INPP4B: variants seen among roughly 807,000 people sequenced by gnomAD.
The protein encoded by INPP4B is inositol polyphosphate-4-phosphatase type II B, also known as inositol polyphosphate 4-phosphatase type II.
Under a neutral mutation model 122.5 loss-of-function variants are expected in INPP4B, and 55 were observed. That is an observed-to-expected ratio of 0.45 (90% confidence interval 0.36 to 0.56). The LOEUF (loss-of-function observed/expected upper bound fraction) is 0.56, where lower values mean the gene tolerates loss of function less well. INPP4B is among the 20% of genes least tolerant of loss of function. The probability of loss-of-function intolerance (pLI) is 0.00; values close to 1 mark genes in which losing one functional copy is unlikely to be tolerated. For synonymous variants in INPP4B, 403 were observed against 388.7 expected (o/e 1.04, Z -0.43); for missense variants, 1,000 against 1,097.7 (o/e 0.91, Z 1.26).
chr4:142,526,661 A>G (rs1228739893), intron 2 of INPP4B, among the ~76,000 whole-genome samples: 2 of 152,114 alleles, frequency 1.3e-5, no homozygotes, highest in East Asian at 3.9e-4. Flanking sequence ...CATGTTTAAT[A>G]AAACAAAATC....
chr4:142,145,818 G>A (rs748096917), intron 18 of INPP4B, 22 bp downstream of exon 18: 1 of 1,603,980 alleles, frequency 6.2e-7, no homozygotes, highest in Non-Finnish European at 8.5e-7. Context: ...GTAAATGATT[G>A]GGAAAAAAAA....
chr4:142,316,508 A>G (rs958353944), intron 7 of INPP4B, among the ~76,000 whole-genome samples: 3 of 149,286 alleles, frequency 2.0e-5, no homozygotes, highest in African/African-American at 7.2e-5. Flanking sequence ...ATATATACAT[A>G]TTAGTATAAA....
Position 142,840,419 on chromosome 4 carries a change from AT to A in INPP4B, c.-254+5789del, listed in dbSNP as rs558400130. On this transcript the variant is annotated intron_variant, in intron 1 of 25. Coordinates refer to ENST00000262992, the MANE Select transcript of INPP4B (RefSeq NM_001101669.3). ...AGTTTTTTTCTATCATGTTCATTTA[AT>A]TTTTTTTCCTTTCTCTTACCCAGAC... Among the ~76,000 whole-genome samples the A allele has an allele frequency of 2.9e-4, 44 of 152,074 alleles. No individual in the cohort carries two copies. In the Middle Eastern group the frequency reaches 0.01, roughly 35 times the overall value.
chr4:142,667,079 C>A (rs1756217303), intron 2 of INPP4B, among the ~76,000 whole-genome samples: 1 of 152,142 alleles, frequency 6.6e-6, no homozygotes, highest in South Asian at 2.1e-4. Context: ...AATTGTGGGG[C>A]AATGCTGATC....
At chr4:142,622,778 T>C (rs1431491664) in intron 2 of INPP4B, among the ~76,000 whole-genome samples, 3 of 151,976 alleles carry the variant, frequency 2.0e-5, no homozygotes, top group Admixed American at 6.6e-5. Flanking sequence ...TTGTTATTGT[T>C]AAAAAAGATT....
At chr4:142,490,004 T>C (rs1375554835) in intron 2 of INPP4B, among the ~76,000 whole-genome samples, 1 of 152,158 alleles carries the variant, frequency 6.6e-6, no homozygotes, top group Non-Finnish European at 1.5e-5. Context: ...ATAGATCTCT[T>C]TGTATTATAG....
intron 7 of INPP4B, among the ~76,000 whole-genome samples, chr4:142,400,072 A>T (rs1241213827): frequency 6.6e-6 from 1 of 152,220 alleles, no homozygotes; most frequent in Non-Finnish European, 1.5e-5. Context: ...CTAGTTAGTG[A>T]GGTAACATCT....
chr4:142,586,299 G>A (rs1736192678), intron 2 of INPP4B, among the ~76,000 whole-genome samples: 2 of 135,182 alleles, frequency 1.5e-5, no homozygotes, highest in African/African-American at 2.6e-5. Context: ...GGTCGACAGA[G>A]CTAGACCCTG....
chr4:142,171,975 T>C (rs1019152390), intron 16 of INPP4B, among the ~76,000 whole-genome samples: 1 of 151,686 alleles, frequency 6.6e-6, no homozygotes, highest in Non-Finnish European at 1.5e-5. Context: ...TCAGCTTAGG[T>C]GAACCCAGAA....
At chr4:142,398,393 AAAAAAAAAATATATATATATATATAT>A (rs1188338593) in intron 7 of INPP4B, among the ~76,000 whole-genome samples, 8 of 26,222 alleles carry the variant, frequency 3.1e-4, no homozygotes, top group South Asian at 2.2e-3. Context: ...AAAAAAAAAA[AAAAAAAAAATATATATATATATATAT>A]ATATATATAT....
chr4:142,829,159 G>C (rs1781793944), intron 1 of INPP4B, among the ~76,000 whole-genome samples: 1 of 151,422 alleles, frequency 6.6e-6, no homozygotes, highest in South Asian at 2.1e-4. Context: ...AAAATGACTA[G>C]ACAAGTTTGA....
intron 11 of INPP4B, among the ~76,000 whole-genome samples, chr4:142,240,041 G>A (rs28529144): frequency 0.1 from 15,434 of 150,120 alleles, 869 homozygotes; most frequent in Middle Eastern, 0.14. Flanking sequence ...ATCTCAAAAC[G>A]AATCCTTCTA....
chr4:142,801,355 G>A (rs938644495), intron 1 of INPP4B, among the ~76,000 whole-genome samples: 2 of 152,150 alleles, frequency 1.3e-5, no homozygotes, highest in African/African-American at 4.8e-5. Flanking sequence ...CTTTAGAAAG[G>A]CAGTTAGGTT....
At position 142,597,322 on chromosome 4, in the gene INPP4B, CTT is replaced by C. The variant is rs532998221; in HGVS notation, c.-191+128515_-191+128516del. Among the ~76,000 whole-genome samples the C allele has an allele frequency of 2.4e-3, 366 of 152,326 alleles. 2 individuals carry two copies. The highest frequency in any genetic ancestry group is 7.5e-3 in the African/African-American group (313 of 41,572). ...GACAACAATGAACTAACAGAACTATCTTAACTATGTGGATCAACGGTGACACC... is the reference window on the plus strand; with the variant it reads ...GACAACAATGAACTAACAGAACTATCAACTATGTGGATCAACGGTGACACC... On this transcript the variant is annotated intron_variant, in intron 2 of 25. Transcript: ENST00000262992.
intron 2 of INPP4B, among the ~76,000 whole-genome samples, chr4:142,627,114 C>T (rs143294599): frequency 4.0e-4 from 61 of 152,206 alleles, no homozygotes; most frequent in African/African-American, 1.3e-3. Flanking sequence ...AGTCTCAGTA[C>T]CTCTGTGCAG....
intron 23 of INPP4B, chr4:142,096,244 G>C (rs1421535980): frequency 6.6e-6 from 1 of 152,158 alleles, no homozygotes; most frequent in Non-Finnish European, 1.5e-5. Context: ...TCAGTGAAGA[G>C]AAAATAATGA....
intron 9 of INPP4B, among the ~76,000 whole-genome samples, chr4:142,301,469 C>T (rs1487097142): frequency 6.6e-6 from 1 of 152,032 alleles, no homozygotes; most frequent in African/African-American, 2.4e-5. Context: ...GGAGTCAGAC[C>T]AAACTGAGTT....
intron 2 of INPP4B, among the ~76,000 whole-genome samples, chr4:142,703,117 T>G (rs1211951132): frequency 6.6e-6 from 1 of 152,130 alleles, no homozygotes; most frequent in Non-Finnish European, 1.5e-5. Context: ...GTGAAAAAAC[T>G]TGGTACAGAA....
chr4:142,600,127 T>C (rs536515484), intron 2 of INPP4B, among the ~76,000 whole-genome samples: 2 of 152,256 alleles, frequency 1.3e-5, no homozygotes, highest in East Asian at 1.9e-4. Flanking sequence ...ATTTCTCAAA[T>C]CTAGGAAGAG....
Sources: allele counts gnomAD v4.1 joint callset (sites outside exome capture counted in the v4.1 genomes callset), GRCh38; gene constraint gnomAD v4.1.1; transcripts MANE v1.5; gene names NCBI Gene and HGNC (gene_info 2026-07-23, HGNC 2026-07-21).